The following GPHN variants were observed in gnomAD, a reference collection of about 807,000 sequenced individuals.
The protein encoded by GPHN is gephyrin.
Under a neutral mutation model 95.5 loss-of-function variants are expected in GPHN, and 17 were observed. The ratio of observed to expected loss-of-function variants is 0.18; its 90% CI spans 0.12 to 0.27. GPHN has a LOEUF of 0.27. Among genes scored for constraint, GPHN ranks in the 10% least tolerant of loss-of-function variants. The pLI, the probability that GPHN is intolerant of heterozygous loss-of-function variation, is 1.00. For missense variants in GPHN, 660 were observed against 978.1 expected, an observed-to-expected ratio of 0.67 and a Z score of 4.34; for synonymous variants, 320 against 322.5, an observed-to-expected ratio of 0.99 and a Z score of 0.08.
At chr14:67,189,600 G>A in the GPHN span, 2 of 152,124 alleles carry the variant, frequency 1.3e-5, no homozygotes, top group African/African-American at 2.4e-5. Flanking sequence ...TGCAACTTGG[G>A]TTTGAAACTG....
At chr14:66,578,199 A>C (rs1181945162) in intron 1 of GPHN, among the ~76,000 whole-genome samples, 1 of 151,494 alleles carries the variant, frequency 6.6e-6, no homozygotes, top group African/African-American at 2.4e-5. Flanking sequence ...GAGCTTCAAC[A>C]TAAGATTTGA....
intron 1 of GPHN, among the ~76,000 whole-genome samples, chr14:66,588,182 G>C (rs1474283749): frequency 6.6e-6 from 1 of 152,022 alleles, no homozygotes; most frequent in Non-Finnish European, 1.5e-5. Context: ...GAACAGAAAG[G>C]AATAGCATCA....
chr14:67,127,770 T>C (rs2079423850), intron 17 of GPHN, among the ~76,000 whole-genome samples: 1 of 152,184 alleles, frequency 6.6e-6, no homozygotes, highest in Non-Finnish European at 1.5e-5. Flanking sequence ...GCAGTAAAAA[T>C]ATTTTAGAAG....
intron 9 of GPHN, among the ~76,000 whole-genome samples, chr14:66,992,214 T>C (rs1359872687): frequency 6.6e-6 from 1 of 152,132 alleles, no homozygotes; most frequent in Non-Finnish European, 1.5e-5. Context: ...TGTGATTTTT[T>C]TAAGGGCTAT....
At chr14:66,816,577 C>T (rs2060976571) in intron 3 of GPHN, among the ~76,000 whole-genome samples, 1 of 152,006 alleles carries the variant, frequency 6.6e-6, no homozygotes, top group Admixed American at 6.6e-5. Context: ...GAAATTAAGG[C>T]AAAAATCAAT....
At chr14:67,050,806 A>G (rs1299466284) in intron 10 of GPHN, among the ~76,000 whole-genome samples, 1 of 151,916 alleles carries the variant, frequency 6.6e-6, no homozygotes, top group Non-Finnish European at 1.5e-5. Context: ...CTGACCAGGC[A>G]GTTGGTGCAA....
At chr14:66,607,248 AT>A (rs1162415612) in intron 1 of GPHN, among the ~76,000 whole-genome samples, 1 of 150,950 alleles carries the variant, frequency 6.6e-6, no homozygotes, top group Non-Finnish European at 1.5e-5. Flanking sequence ...TTTGTTTTTG[AT>A]TCTGTTTATG....
intron 1 of GPHN, among the ~76,000 whole-genome samples, chr14:66,571,579 G>A (rs998152151): frequency 1.3e-5 from 2 of 152,092 alleles, no homozygotes; most frequent in Admixed American, 1.3e-4. Context: ...GGGAGGCTGA[G>A]TCAGGCGAAT....
chr14:66,642,561 T>G (rs1386229509), intron 1 of GPHN, among the ~76,000 whole-genome samples: 1 of 149,082 alleles, frequency 6.7e-6, no homozygotes, highest in Non-Finnish European at 1.5e-5. Flanking sequence ...TGATTTTTGT[T>G]TTTTTTTTTT....
At chr14:67,107,605 G>A (rs144413050) in intron 13 of GPHN, among the ~76,000 whole-genome samples, 5 of 152,138 alleles carry the variant, frequency 3.3e-5, no homozygotes, top group South Asian at 4.1e-4. Flanking sequence ...GCAGCAGCTC[G>A]GGTCACAGTG....
the GPHN span, chr14:67,320,109 C>G: frequency 2.7e-6 from 2 of 736,876 alleles, no homozygotes. Flanking sequence ...GATACCCTAG[C>G]AAGGATGTAA....
chr14:67,260,535 G>A, the GPHN span, among the ~76,000 whole-genome samples: 10 of 152,264 alleles, frequency 6.6e-5, no homozygotes, highest in South Asian at 8.3e-4. Context: ...CAGCAAAGGC[G>A]TAGATTAAGT....
At chr14:67,621,084 G>T in the GPHN span, 6 of 922,586 alleles carry the variant, frequency 6.5e-6, no homozygotes, top group East Asian at 1.3e-4. Flanking sequence ...GCCACATCCC[G>T]CATCCTCCTT....
At chr14:66,916,478 G>GTTTT (rs112153181) in intron 6 of GPHN, among the ~76,000 whole-genome samples, 1 of 85,466 alleles carries the variant, frequency 1.2e-5, no homozygotes, top group African/African-American at 4.3e-5. Flanking sequence ...GATGTCCAGA[G>GTTTT]TTTTTTTTTT....
At chr14:66,965,584 T>A (rs2069266501) in intron 9 of GPHN, among the ~76,000 whole-genome samples, 1 of 152,194 alleles carries the variant, frequency 6.6e-6, no homozygotes, top group Non-Finnish European at 1.5e-5. Flanking sequence ...TCCTGTTTCT[T>A]TGTTGTAGAT....
the GPHN span, chr14:67,350,692 T>C: frequency 3.1e-6 from 5 of 1,612,882 alleles, no homozygotes; most frequent in Non-Finnish European, 4.2e-6. Context: ...CATTTTAGTC[T>C]GGAAAAGCAT....
At chr14:67,196,419 G>A in the GPHN span, among the ~76,000 whole-genome samples, 6 of 151,996 alleles carry the variant, frequency 3.9e-5, no homozygotes, top group Non-Finnish European at 7.4e-5. Context: ...ATTTCACGAC[G>A]TTGGCCAGGC....
the GPHN span, chr14:67,201,403 T>G: frequency 8.8e-6 from 4 of 455,662 alleles, no homozygotes; most frequent in South Asian, 4.7e-5. Flanking sequence ...AGACCCCAAT[T>G]CTCTCTTTTT....
At chr14:67,146,618 C>T (rs902553621) in intron 18 of GPHN, among the ~76,000 whole-genome samples, 1 of 152,156 alleles carries the variant, frequency 6.6e-6, no homozygotes, top group Non-Finnish European at 1.5e-5. Flanking sequence ...TAGATGATAA[C>T]CGATCACAAA....
Sources: gnomAD v4.1 joint callset for allele counts (sites outside exome capture counted in the v4.1 genomes callset) on GRCh38, gnomAD v4.1.1 for gene constraint, MANE v1.5 for transcripts, NCBI Gene and HGNC (gene_info 2026-07-23, HGNC 2026-07-21) for gene names.